ROCK1: variants seen among roughly 807,000 people sequenced by gnomAD.
ROCK1 encodes the protein rho-associated protein kinase 1.
Under a neutral mutation model 196.8 loss-of-function variants are expected in ROCK1, and 36 were observed. That is an observed-to-expected ratio of 0.18 (90% CI 0.14 to 0.24). The LOEUF is 0.24. Ranked by LOEUF, ROCK1 falls within the 10% of genes least tolerant of loss-of-function variation. The pLI is 1.00. For synonymous variants in ROCK1, 443 were observed against 515.9 expected (o/e 0.86, Z 1.91); for missense variants, 920 against 1,562.0 (o/e 0.59, Z 6.93).
rs943287197 is a variant in ROCK1 at position 20,949,639 on chromosome 18, T to A, written c.*1745A>T. 1 of 152,278 alleles carries A rather than the reference T, an allele frequency of 6.6e-6. No homozygotes were observed. Among genetic ancestry groups the A allele is most frequent in the Non-Finnish European group, 1.5e-5 (1 of 68,054 alleles). The allele number at this position is 152,278 out of a possible 1,614,324, so 9.4% of individuals were successfully genotyped here. ...TGTCAGAGCCTCTGCTTCCCTGATG[T>A]GTAGAAATGCAAGAGACCCATGGAG... On this transcript the variant is annotated 3_prime_UTR_variant, in exon 33 of 33. Coordinates refer to ENST00000399799, the MANE Select transcript of ROCK1 (RefSeq NM_005406.3).
intron 11 of ROCK1, among the ~76,000 whole-genome samples, chr18:21,020,578 T>TA (rs1262792571): frequency 2.0e-5 from 3 of 152,008 alleles, no homozygotes; most frequent in East Asian, 1.9e-4. Flanking sequence ...TGGTAAATAA[T>TA]AAAAAAATTA....
chr18:21,074,099 A>C (rs1213581388), intron 1 of ROCK1, among the ~76,000 whole-genome samples: 1 of 152,186 alleles, frequency 6.6e-6, no homozygotes, highest in Admixed American at 6.5e-5. Context: ...TCAAGGCTAC[A>C]GTAATCTATG....
intron 23 of ROCK1, among the ~76,000 whole-genome samples, chr18:20,969,677 CTTAT>C (rs1297054984): frequency 2.0e-5 from 3 of 151,966 alleles, no homozygotes; most frequent in Non-Finnish European, 4.4e-5. Context: ...TGTCTACTGT[CTTAT>C]TTAATCCTCA....
intron 22 of ROCK1, among the ~76,000 whole-genome samples, chr18:20,971,557 G>A (rs1429144675): frequency 1.3e-5 from 2 of 151,618 alleles, no homozygotes; most frequent in African/African-American, 2.4e-5. Context: ...CCAACGTAGT[G>A]GAACCCCATC....
At position 21,039,349 on chromosome 18, in the gene ROCK1, T is replaced by C. The variant is rs1408681209; in HGVS notation, c.1051+123A>G. 41 of 677,760 alleles carry C rather than the reference T, an allele frequency of 6.0e-5. No individual in the cohort carries two copies. The East Asian group carries it at 1.1e-3, about 18-fold the overall frequency. 42.0% of individuals were successfully genotyped at this position (677,760 alleles called of 1,614,324 possible). On this transcript the variant is annotated intron_variant, in intron 9 of 32. Coordinates refer to ENST00000399799, the MANE Select transcript of ROCK1 (RefSeq NM_005406.3). The stretch of plus-strand genomic sequence containing the variant: ...AATTAATAGGTTAGGACAATTCCCA[T>C]ATAGTATTTGTGGCTTCTGATTTTC...
At chr18:21,027,468 TTAGAG>T (rs2035968572) in intron 10 of ROCK1, among the ~76,000 whole-genome samples, 4 of 152,176 alleles carry the variant, frequency 2.6e-5, no homozygotes. Context: ...CTCAAGTACA[TTAGAG>T]TAAAGCTAAC....
At chr18:21,107,069 T>C (rs2036709215) in intron 1 of ROCK1, among the ~76,000 whole-genome samples, 1 of 152,214 alleles carries the variant, frequency 6.6e-6, no homozygotes, top group Admixed American at 6.5e-5. Context: ...ACATACCTTA[T>C]ACACAACAAC....
intron 10 of ROCK1, among the ~76,000 whole-genome samples, chr18:21,025,119 T>C (rs116746026): frequency 0.01 from 1,551 of 152,350 alleles, 20 homozygotes; most frequent in African/African-American, 0.036. Context: ...ACATCACTTG[T>C]ATACATCCAT....
intron 10 of ROCK1, among the ~76,000 whole-genome samples, chr18:21,024,721 C>T (rs1958551261): frequency 6.6e-6 from 1 of 152,174 alleles, no homozygotes. Flanking sequence ...TACAATGGTA[C>T]TATAAAAGAA....
intron 10 of ROCK1, 53 bp downstream of exon 10, chr18:21,028,723 T>C: frequency 1.4e-6 from 2 of 1,464,556 alleles, no homozygotes; most frequent in Non-Finnish European, 1.8e-6. Context: ...TTTTAGATAT[T>C]TCTAAGAACA....
chr18:20,962,869 T>TA (rs1031981365), intron 27 of ROCK1, among the ~76,000 whole-genome samples: 9 of 152,058 alleles, frequency 5.9e-5, no homozygotes, highest in Admixed American at 3.9e-4. Context: ...TAATAACAGA[T>TA]AAAAAAATAC....
At chr18:20,985,328 A>G (rs912886679) in intron 19 of ROCK1, among the ~76,000 whole-genome samples, 5 of 152,172 alleles carry the variant, frequency 3.3e-5, no homozygotes, top group African/African-American at 1.2e-4. Context: ...TTCTATTCCT[A>G]TCATTGGCCA....
Position 20,990,693 on chromosome 18 carries a change from CAAAAAAAA to C in ROCK1, c.2143+475_2143+482del, listed in dbSNP as rs1170099682. On this transcript the variant is annotated intron_variant, in intron 18 of 32. Transcript: ENST00000399799. ...GGGAGACAAGAGCAAAACTTCGTCT[CAAAAAAAA>C]AAAAAAAAAAAAAAAAAAAGGAAAG... Among the ~76,000 whole-genome samples the C allele has an allele frequency of 3.5e-4, 8 of 22,598 alleles. No homozygotes were observed. The East Asian group carries it at 4.3e-3, about 12-fold the overall frequency. 14.8% of individuals were successfully genotyped at this position (22,598 alleles called of 152,430 possible). A position where few individuals can be genotyped will look rare whatever the true frequency, so the allele number is the denominator to read the frequency against.
At chr18:21,100,254 TCACTGAACAAGGA>T (rs1344483179) in intron 1 of ROCK1, among the ~76,000 whole-genome samples, 2 of 151,896 alleles carry the variant, frequency 1.3e-5, no homozygotes, top group Non-Finnish European at 2.9e-5. Context: ...ATAGCTCTAT[TCACTGAACAAGGA>T]CAAGAAACAA....
intron 18 of ROCK1, among the ~76,000 whole-genome samples, chr18:20,988,962 G>T (rs888726280): frequency 6.6e-6 from 1 of 152,108 alleles, no homozygotes; most frequent in African/African-American, 2.4e-5. Context: ...GCTCAATATG[G>T]CTGAAGCACA....
At chr18:20,988,549 C>T (rs1334445782) in intron 18 of ROCK1, among the ~76,000 whole-genome samples, 2 of 152,130 alleles carry the variant, frequency 1.3e-5, no homozygotes, top group Non-Finnish European at 2.9e-5. Context: ...ATTACACATC[C>T]CAGAAGCTTA....
chr18:21,018,927 T>C (rs1186127034), intron 12 of ROCK1, among the ~76,000 whole-genome samples: 1 of 152,170 alleles, frequency 6.6e-6, no homozygotes, highest in East Asian at 1.9e-4. Context: ...TTCAGTATTA[T>C]GCTAGGTAAT....
chr18:21,048,495 T>C (rs1315103200), intron 4 of ROCK1, among the ~76,000 whole-genome samples: 1 of 152,130 alleles, frequency 6.6e-6, no homozygotes, highest in African/African-American at 2.4e-5. Context: ...TTAAGTTTTC[T>C]ATATCTTCTG....
chr18:21,002,592 T>C (rs1040806977), intron 16 of ROCK1, among the ~76,000 whole-genome samples: 10 of 151,966 alleles, frequency 6.6e-5, no homozygotes, highest in African/African-American at 2.4e-4. Context: ...ATCTCTAGAG[T>C]AGTATTCCAA....
Sources: allele counts gnomAD v4.1 joint callset (sites outside exome capture counted in the v4.1 genomes callset), GRCh38; gene constraint gnomAD v4.1.1; transcripts MANE v1.5; gene names NCBI Gene and HGNC (gene_info 2026-07-23, HGNC 2026-07-21).